ITPK1: variants seen among roughly 807,000 people sequenced by gnomAD.
ITPK1 encodes inositol-tetrakisphosphate 1-kinase.
ITPK1 carries 21 observed loss-of-function variants against 45.3 expected under a neutral mutation model. The ratio of observed to expected loss-of-function variants is 0.46; its 90% CI spans 0.33 to 0.67. The LOEUF is 0.67. ITPK1 is among the 30% of genes least tolerant of loss of function. The pLI, the probability that ITPK1 is intolerant of heterozygous loss-of-function variation, is 0.02. For synonymous variants in ITPK1, 258 were observed against 253.6 expected, an observed-to-expected ratio of 1.02 and a Z score of -0.16; for missense variants, 474 against 573.5, an observed-to-expected ratio of 0.83 and a Z score of 1.77.
At chr14:93,083,309 G>C (rs1027127865) in intron 2 of ITPK1, among the ~76,000 whole-genome samples, 1 of 152,126 alleles carries the variant, frequency 6.6e-6, no homozygotes, top group African/African-American at 2.4e-5. Flanking sequence ...CCAGCAGCAG[G>C]CATGGGATGT....
At chr14:93,100,603 G>T (rs963184587) in intron 2 of ITPK1, among the ~76,000 whole-genome samples, 1 of 151,794 alleles carries the variant, frequency 6.6e-6, no homozygotes, top group Non-Finnish European at 1.5e-5. Context: ...GGCCCTATTG[G>T]ACTGTCGCCT....
Position 93,014,250 on chromosome 14 carries a change from C to T in ITPK1, c.246+2426G>A. ...GCCTGACAGCCTTAAGCCACAAGGC[C>T]CCATGCTGCCCTCCACACACGCTCC... On this transcript the variant is annotated intron_variant, in intron 4 of 10. Coordinates refer to ENST00000267615, the MANE Select transcript of ITPK1 (RefSeq NM_014216.6). This position sits in a 1 kb window ranked among gnomAD's most constrained non-coding sequence, Gnocchi z 4.4. 6.6e-6 allele frequency among the ~76,000 whole-genome samples: 1 copy of T among 152,104 alleles called. No homozygotes were observed. The highest frequency in any genetic ancestry group is 1.9e-4 in the East Asian group (1 of 5,194).
intron 5 of ITPK1, among the ~76,000 whole-genome samples, chr14:92,982,567 A>G (rs1264119462): frequency 6.6e-6 from 1 of 152,186 alleles, no homozygotes; most frequent in African/African-American, 2.4e-5. Context: ...GGCCTCCAGA[A>G]GATCACCTGC....
chr14:93,073,847 T>C (rs1891115717), intron 3 of ITPK1, among the ~76,000 whole-genome samples: 1 of 152,032 alleles, frequency 6.6e-6, no homozygotes, highest in African/African-American at 2.4e-5. Context: ...CTCAAAAGGG[T>C]ACTTAACACC....
At chr14:93,021,534 A>G (rs1888460349) in intron 3 of ITPK1, among the ~76,000 whole-genome samples, 1 of 151,890 alleles carries the variant, frequency 6.6e-6, no homozygotes, top group South Asian at 2.1e-4. Context: ...CGGAGGTTGC[A>G]GTGAGCCGAG....
In ITPK1 at chr14:92,958,865, C is replaced by T. The variant is rs758021323; in HGVS notation, c.505-499G>A. Among the ~76,000 whole-genome samples, 2 of 152,160 alleles carry T rather than the reference C, an allele frequency of 1.3e-5. No homozygotes were observed. Among genetic ancestry groups the T allele is most frequent in the Non-Finnish European group, 2.9e-5 (2 of 68,030 alleles). On this transcript the variant is annotated intron_variant, in intron 7 of 10. Coordinates refer to ENST00000267615, the MANE Select transcript of ITPK1 (RefSeq NM_014216.6). This position sits in a 1 kb window ranked among gnomAD's most constrained non-coding sequence, Gnocchi z 4.4. ...GTGACAAGCCGGGCCCTGTTCTGAG[C>T]ACGTACACCAGTTACCTAGTGTCTC...
chr14:92,960,006 A>T (rs1265222387), intron 7 of ITPK1, among the ~76,000 whole-genome samples: 3 of 152,186 alleles, frequency 2.0e-5, no homozygotes, highest in Admixed American at 2.0e-4. Context: ...GTACCCCTGG[A>T]ATCTGTGAGA....
intron 2 of ITPK1, among the ~76,000 whole-genome samples, chr14:93,096,110 C>T (rs1057345437): frequency 1.3e-5 from 2 of 152,298 alleles, no homozygotes; most frequent in African/African-American, 4.8e-5. Flanking sequence ...GCCCCGGCCA[C>T]GTCCTCCAAC....
intron 2 of ITPK1, among the ~76,000 whole-genome samples, chr14:93,084,980 T>C (rs1425000236): frequency 1.3e-5 from 2 of 152,194 alleles, no homozygotes; most frequent in Non-Finnish European, 2.9e-5. Context: ...GATGGCTCTT[T>C]ATTTCAGCAT....
intron 2 of ITPK1, among the ~76,000 whole-genome samples, chr14:93,113,526 C>T: frequency 6.6e-6 from 1 of 152,174 alleles, no homozygotes; most frequent in East Asian, 1.9e-4. Flanking sequence ...AGCTCCGGTG[C>T]CTCACATCAG....
At chr14:92,969,003 C>T (rs1365629079) in intron 5 of ITPK1, among the ~76,000 whole-genome samples, 6 of 152,150 alleles carry the variant, frequency 3.9e-5, no homozygotes, top group Non-Finnish European at 8.8e-5. Context: ...TGCCCCCGCT[C>T]GGGTTGCTGG....
At chr14:92,974,279 G>A (rs934406239) in intron 5 of ITPK1, among the ~76,000 whole-genome samples, 2 of 152,212 alleles carry the variant, frequency 1.3e-5, no homozygotes, top group Admixed American at 6.5e-5. Flanking sequence ...TGACATCATC[G>A]TGTGTTAAAG....
rs777832176 is a variant in ITPK1, at chr14:92,941,351, C to T, written c.*210G>A. ...GCACAGTAGAGAGCAGGCGGACGGC[C>T]CCACTCCCCAACGGTGGACCACCTG... On this transcript the variant is annotated 3_prime_UTR_variant, in exon 11 of 11. Transcript: ENST00000267615. 8.4e-5 allele frequency: 118 copies of T among 1,411,224 alleles called. No homozygotes were observed. Among genetic ancestry groups the T allele is most frequent in the Non-Finnish European group, 9.4e-5 (103 of 1,090,534 alleles). 87.4% of individuals were successfully genotyped at this position (1,411,224 alleles called of 1,614,324 possible). A position where few individuals can be genotyped will look rare whatever the true frequency, so the allele number is the denominator to read the frequency against.
chr14:92,991,624 G>T (rs1359241798), intron 5 of ITPK1, among the ~76,000 whole-genome samples: 3 of 152,074 alleles, frequency 2.0e-5, no homozygotes, highest in Non-Finnish European at 2.9e-5. Flanking sequence ...TCCAGGAGAG[G>T]CCCAATTCCA....
intron 3 of ITPK1, among the ~76,000 whole-genome samples, chr14:93,048,844 G>C (rs1889891498): frequency 6.6e-6 from 1 of 152,100 alleles, no homozygotes; most frequent in East Asian, 1.9e-4. Context: ...AGCTACTCAG[G>C]AGACTGAGGC....
intron 10 of ITPK1, among the ~76,000 whole-genome samples, chr14:92,943,518 G>A (rs780133244): frequency 1.3e-4 from 20 of 152,228 alleles, no homozygotes; most frequent in Non-Finnish European, 1.0e-4. Context: ...TCCCGGGCAC[G>A]GGCATGGCTG....
chr14:92,939,608 C>T lies in ITPK1; in HGVS notation c.*1953G>A, dbSNP rs924839076. ...CCACAGCCCCGCCCCCGCCCCACCA[C>T]GGAGGCCTATGGACGCCACCACGAC... On this transcript the variant is annotated 3_prime_UTR_variant, in exon 11 of 11. Transcript: ENST00000267615. The T allele has an allele frequency of 1.4e-5, 12 of 877,984 alleles. No homozygotes were observed. The highest frequency in any genetic ancestry group is 6.2e-5 in the Admixed American group (1 of 16,116). The allele number at this position is 877,984 out of a possible 1,614,324, so 54.4% of individuals were successfully genotyped here.
chr14:93,083,579 T>C (rs1340110731), intron 2 of ITPK1, among the ~76,000 whole-genome samples: 1 of 152,056 alleles, frequency 6.6e-6, no homozygotes, highest in Non-Finnish European at 1.5e-5. Flanking sequence ...ACAAGACCCT[T>C]TGGCACCTCC....
At chr14:93,080,560 G>C (rs1049459027) in intron 2 of ITPK1, among the ~76,000 whole-genome samples, 1 of 152,120 alleles carries the variant, frequency 6.6e-6, no homozygotes, top group Admixed American at 6.5e-5. Flanking sequence ...ACTCGCTATG[G>C]GTTCTAAGCC....
Sources: gnomAD v4.1 joint callset for allele counts (sites outside exome capture counted in the v4.1 genomes callset) on GRCh38, gnomAD v4.1.1 for gene constraint, Gnocchi (gnomAD v3.1) non-coding constraint, MANE v1.5 for transcripts, NCBI Gene and HGNC (gene_info 2026-07-23, HGNC 2026-07-21) for gene names.